Variants in LHFPL6 observed in about 807,000 individuals in gnomAD.
LHFPL6 encodes LHFPL tetraspan subfamily member 6 protein.
Under a neutral mutation model 20.6 loss-of-function variants are expected in LHFPL6, and 9 were observed. That is an observed-to-expected ratio of 0.44 (90% confidence interval 0.26 to 0.76). The LOEUF is 0.76. LHFPL6 is among the 30% of genes least tolerant of loss of function. The pLI is 0.20. For synonymous variants in LHFPL6, 105 were observed against 98.7 expected (o/e 1.06, Z -0.38); for missense variants, 218 against 253.5 (o/e 0.86, Z 0.95).
chr13:39,512,601 CAAAA>C (rs565183661), intron 2 of LHFPL6, among the ~76,000 whole-genome samples: 1 of 109,590 alleles, frequency 9.1e-6, no homozygotes, highest in Admixed American at 9.5e-5. Context: ...GCCTCCGTCT[CAAAA>C]AAAAAAAAAA....
chr13:39,383,344 A>G (rs1309043748), intron 2 of LHFPL6, among the ~76,000 whole-genome samples: 4 of 152,250 alleles, frequency 2.6e-5, no homozygotes, highest in African/African-American at 9.6e-5. Context: ...GTCCAAAGAG[A>G]AAGATCTTAA....
intron 2 of LHFPL6, among the ~76,000 whole-genome samples, chr13:39,444,439 G>T (rs944283991): frequency 6.6e-6 from 1 of 152,126 alleles, no homozygotes; most frequent in African/African-American, 2.4e-5. Context: ...CAAGACTATA[G>T]GACAATGACC....
intron 2 of LHFPL6, among the ~76,000 whole-genome samples, chr13:39,444,611 A>G (rs1872235676): frequency 6.6e-6 from 1 of 152,176 alleles, no homozygotes; most frequent in African/African-American, 2.4e-5. Context: ...CCATGGTTCA[A>G]GTGAGCTGAG....
At chr13:39,599,606 A>C (rs1215372628) in intron 2 of LHFPL6, among the ~76,000 whole-genome samples, 2 of 152,254 alleles carry the variant, frequency 1.3e-5, no homozygotes, top group Non-Finnish European at 2.9e-5. Flanking sequence ...AAGTTACATC[A>C]GTAAGGAAAG....
At chr13:39,583,591 A>G (rs1872355766) in intron 2 of LHFPL6, among the ~76,000 whole-genome samples, 1 of 152,216 alleles carries the variant, frequency 6.6e-6, no homozygotes, top group Admixed American at 6.5e-5. Flanking sequence ...TTTCCAAATT[A>G]CAATAATGGT....
In LHFPL6 at chr13:39,347,006, G is replaced by C. The variant is rs559445347; in HGVS notation, c.485-2952C>G. Among the ~76,000 whole-genome samples the C allele has an allele frequency of 8.0e-5, 12 of 149,212 alleles. No homozygotes were observed. In the East Asian group the frequency reaches 2.2e-3, roughly 27 times the overall value. On this transcript the variant is annotated intron_variant, in intron 3 of 3. Transcript: ENST00000379589. ...CACCCATAAGAATCACTTGAACCCG[G>C]GAGGCGGAGGTTGCAGTGAGCCAAG...
At chr13:39,398,078 G>A (rs997739953) in intron 2 of LHFPL6, among the ~76,000 whole-genome samples, 1 of 152,176 alleles carries the variant, frequency 6.6e-6, no homozygotes, top group African/African-American at 2.4e-5. Context: ...TCTTCAGGGT[G>A]TGTTCCGTGG....
chr13:39,512,611 A>G (rs117447644), intron 2 of LHFPL6, among the ~76,000 whole-genome samples: 11 of 150,574 alleles, frequency 7.3e-5, no homozygotes, highest in Non-Finnish European at 1.6e-4. Flanking sequence ...CAAAAAAAAA[A>G]AAAAGAAAAG....
At chr13:39,467,710 G>A (rs749111367) in intron 2 of LHFPL6, among the ~76,000 whole-genome samples, 1 of 152,180 alleles carries the variant, frequency 6.6e-6, no homozygotes, top group African/African-American at 2.4e-5. Flanking sequence ...CTAGGGCCCA[G>A]GTGAACTTTG....
intron 2 of LHFPL6, among the ~76,000 whole-genome samples, chr13:39,416,364 T>TAAA (rs36120111): frequency 6.6e-4 from 98 of 147,444 alleles, no homozygotes; most frequent in African/African-American, 2.3e-3. Context: ...CTTAATATGT[T>TAAA]AAAAAAAAAA....
At chr13:39,459,194 ATGTGTGTG>A (rs58955444) in intron 2 of LHFPL6, among the ~76,000 whole-genome samples, 5,759 of 136,008 alleles carry the variant, frequency 0.042, 135 homozygotes, top group Middle Eastern at 0.073. Flanking sequence ...AAGTTCCTTA[ATGTGTGTG>A]TGTGTGTGTG....
chr13:39,351,959 T>G (rs1255156045), intron 3 of LHFPL6, among the ~76,000 whole-genome samples: 1 of 152,230 alleles, frequency 6.6e-6, no homozygotes, highest in East Asian at 1.9e-4. Flanking sequence ...GCTGCCTGAT[T>G]TGCGAATTGT....
At chr13:39,392,428 C>G (rs1382245687) in intron 2 of LHFPL6, among the ~76,000 whole-genome samples, 1 of 152,076 alleles carries the variant, frequency 6.6e-6, no homozygotes, top group Non-Finnish European at 1.5e-5. Flanking sequence ...AACCCTGTCT[C>G]TACTAAAAAT....
At chr13:39,391,616 C>T (rs576884010) in intron 2 of LHFPL6, among the ~76,000 whole-genome samples, 2 of 152,236 alleles carry the variant, frequency 1.3e-5, no homozygotes, top group Admixed American at 1.3e-4. Flanking sequence ...CTTCTACTAA[C>T]TTTTCAGCTT....
At chr13:39,347,106 C>A (rs1422215675) in intron 3 of LHFPL6, among the ~76,000 whole-genome samples, 1 of 150,028 alleles carries the variant, frequency 6.7e-6, no homozygotes, top group Non-Finnish European at 1.5e-5. Flanking sequence ...AAAAAAAGCC[C>A]CGTTAATGAA....
At chr13:39,395,617 T>C (rs1017218607) in intron 2 of LHFPL6, among the ~76,000 whole-genome samples, 2 of 152,168 alleles carry the variant, frequency 1.3e-5, no homozygotes, top group African/African-American at 4.8e-5. Context: ...TCAGTCAGGG[T>C]TTCTGCTGTG....
intron 2 of LHFPL6, among the ~76,000 whole-genome samples, chr13:39,385,345 A>G (rs923701793): frequency 6.6e-6 from 1 of 152,210 alleles, no homozygotes; most frequent in Non-Finnish European, 1.5e-5. Flanking sequence ...CTGTTCAAGG[A>G]CAATTAAAAT....
At chr13:39,517,495 T>C (rs1341629260) in intron 2 of LHFPL6, among the ~76,000 whole-genome samples, 1 of 152,186 alleles carries the variant, frequency 6.6e-6, no homozygotes, top group African/African-American at 2.4e-5. Flanking sequence ...CCTTTATCAC[T>C]ATTGTCTATA....
intron 2 of LHFPL6, among the ~76,000 whole-genome samples, chr13:39,431,337 C>T (rs1412924546): frequency 6.6e-6 from 1 of 152,158 alleles, no homozygotes; most frequent in Non-Finnish European, 1.5e-5. Flanking sequence ...TCTGAAGGAA[C>T]AAACTCCAGA....
Sources: gnomAD v4.1 joint callset for allele counts (sites outside exome capture counted in the v4.1 genomes callset) on GRCh38, gnomAD v4.1.1 for gene constraint, MANE v1.5 for transcripts, NCBI Gene and HGNC (gene_info 2026-07-23, HGNC 2026-07-21) for gene names.